The following ARMC9 variants were observed in gnomAD, a reference collection of about 807,000 sequenced individuals.
ARMC9 encodes the protein lisH domain-containing protein ARMC9.
Under a neutral mutation model 107.0 loss-of-function variants are expected in ARMC9, and 94 were observed. The observed-to-expected ratio is 0.88, with a 90% CI of 0.74 to 1.04. The LOEUF is 1.04. Ranked by LOEUF, ARMC9 falls within the 50% of genes least tolerant of loss-of-function variation. The probability of loss-of-function intolerance (pLI) is 0.00; values close to 1 mark genes in which losing one functional copy is unlikely to be tolerated. For missense variants in ARMC9, 942 were observed against 1,030.1 expected, an observed-to-expected ratio of 0.91 and a Z score of 1.17; for synonymous variants, 380 against 396.9, an observed-to-expected ratio of 0.96 and a Z score of 0.51.
At chr2:231,308,491 C>G (rs1447474144) in intron 19 of ARMC9, among the ~76,000 whole-genome samples, 3 of 152,122 alleles carry the variant, frequency 2.0e-5, no homozygotes, top group African/African-American at 7.2e-5. Flanking sequence ...GTTGGGAACT[C>G]AGGAGGCATG....
At chr2:231,278,480 C>T (rs1393443188) in intron 16 of ARMC9, 22 bp downstream of exon 16, 3 of 1,611,686 alleles carry the variant, frequency 1.9e-6, no homozygotes, top group Non-Finnish European at 2.5e-6. Context: ...GCACTGCTGG[C>T]CCTGGGCTCG....
intron 19 of ARMC9, among the ~76,000 whole-genome samples, chr2:231,311,695 G>A (rs1438952816): frequency 3.4e-5 from 5 of 148,722 alleles, no homozygotes; most frequent in Non-Finnish European, 4.4e-5. Flanking sequence ...GCTTGAATCC[G>A]GGAGGTGGAG....
chr2:231,285,098 T>C (rs2040491051), intron 17 of ARMC9, among the ~76,000 whole-genome samples: 1 of 151,908 alleles, frequency 6.6e-6, no homozygotes, highest in Admixed American at 6.6e-5. Context: ...CTCAGGAGGC[T>C]GAGGCAGGAA....
At chr2:231,229,539 A>G (rs1035968662) in intron 7 of ARMC9, among the ~76,000 whole-genome samples, 2 of 152,256 alleles carry the variant, frequency 1.3e-5, no homozygotes, top group African/African-American at 2.4e-5. Context: ...CTTAAAAAGG[A>G]TATAGAAATA....
intron 12 of ARMC9, among the ~76,000 whole-genome samples, chr2:231,267,800 C>T (rs752115980): frequency 6.6e-6 from 1 of 152,166 alleles, no homozygotes; most frequent in Admixed American, 6.5e-5. Flanking sequence ...GGACCTCGTG[C>T]ACTACTTTGG....
intron 12 of ARMC9, among the ~76,000 whole-genome samples, chr2:231,267,311 A>G (rs925348146): frequency 2.6e-5 from 4 of 151,582 alleles, no homozygotes; most frequent in African/African-American, 7.3e-5. Context: ...GCTCACTTCA[A>G]CCTCCGTCTC....
At chr2:231,330,565 C>A (rs1372758395) in intron 19 of ARMC9, among the ~76,000 whole-genome samples, 1 of 152,134 alleles carries the variant, frequency 6.6e-6, no homozygotes, top group Non-Finnish European at 1.5e-5. Flanking sequence ...GGGGTGGGGG[C>A]CTCCTTACCA....
In ARMC9 at chr2:231,264,895, A is replaced by G. The variant is rs559835023; in HGVS notation, c.1119+2497A>G. Among the ~76,000 whole-genome samples the G allele has an allele frequency of 4.6e-5, 7 of 152,168 alleles. No homozygotes were observed. In the South Asian group the frequency reaches 1.5e-3, roughly 32 times the overall value. On this transcript the variant is annotated intron_variant, in intron 12 of 24. Transcript: ENST00000611582. ...GCCGAGGCGGGTGGATCAGGAGGTTAGGAGATCAAGACCAGCCTGGCCAAC... is the reference window on the plus strand; with the variant it reads ...GCCGAGGCGGGTGGATCAGGAGGTTGGGAGATCAAGACCAGCCTGGCCAAC...
chr2:231,352,259 GC>G (rs1228132079), intron 21 of ARMC9, among the ~76,000 whole-genome samples: 4 of 150,700 alleles, frequency 2.7e-5, no homozygotes, highest in African/African-American at 9.8e-5. Flanking sequence ...ACTATGCCCA[GC>G]CCAGCCACTA....
chr2:231,215,128 A>AT, intron 4 of ARMC9, 127 bp downstream of exon 4: 1 of 1,051,532 alleles, frequency 9.5e-7, no homozygotes, highest in South Asian at 1.7e-5. Flanking sequence ...AGGTACAGGC[A>AT]TCCTCTCTCC....
intron 22 of ARMC9, among the ~76,000 whole-genome samples, chr2:231,359,618 C>T (rs1014205502): frequency 2.6e-5 from 4 of 152,204 alleles, no homozygotes; most frequent in Non-Finnish European, 4.4e-5. Context: ...TGTGACTCCA[C>T]ACGTTGTAAT....
At chr2:231,276,416 G>A (rs1342860698) in intron 14 of ARMC9, among the ~76,000 whole-genome samples, 3 of 151,764 alleles carry the variant, frequency 2.0e-5, no homozygotes, top group East Asian at 1.9e-4. Flanking sequence ...GATTACAGGC[G>A]CCGTCACCAC....
Position 231,256,593 on chromosome 2 carries a change from C to G in ARMC9, c.887C>G (p.Thr296Ser), listed in dbSNP as rs779641672. 6.2e-7 allele frequency: 1 copy of G among 1,614,088 alleles called. No individual in the cohort carries two copies. Among genetic ancestry groups the G allele is most frequent in the Non-Finnish European group, 8.5e-7 (1 of 1,179,984 alleles). Residue 296 changes from threonine (T) to serine (S), a missense_variant, in exon 10 of 25, where the codon ACC becomes AGC. Physicochemically the swap from Thr to Ser is moderately conservative, Grantham distance 58. Coordinates refer to ENST00000611582, the MANE Select transcript of ARMC9 (RefSeq NM_001352754.2). Reference protein sequence around the residue: ...VDFTRPGTASTMLRASLAPVK... With the variant: ...VDFTRPGTASSMLRASLAPVK... The stretch of plus-strand genomic sequence containing the variant: ...CTGTCCTCTTCCCCCCAGGCATCCA[C>G]CATGTTACGAGCCTCCTTGGCACCC...
At chr2:231,321,920 C>T (rs964556778) in intron 19 of ARMC9, among the ~76,000 whole-genome samples, 3 of 152,130 alleles carry the variant, frequency 2.0e-5, no homozygotes, top group Non-Finnish European at 2.9e-5. Context: ...TTTCCTAGGG[C>T]GACTTTGCCA....
intron 19 of ARMC9, among the ~76,000 whole-genome samples, chr2:231,298,200 A>G (rs1477041033): frequency 6.6e-6 from 1 of 152,240 alleles, no homozygotes. Context: ...TAAGGAAAAG[A>G]TCTGTCATTT....
intron 19 of ARMC9, among the ~76,000 whole-genome samples, chr2:231,322,848 G>A (rs1259473850): frequency 1.3e-5 from 2 of 152,100 alleles, no homozygotes; most frequent in African/African-American, 4.8e-5. Context: ...CCACCCTAAC[G>A]AGGCATTTAT....
Position 231,255,913 on chromosome 2 carries a change from G to T in ARMC9, c.880-673G>T, listed in dbSNP as rs966173709. Among the ~76,000 whole-genome samples, 2 of 152,168 alleles carry T rather than the reference G, an allele frequency of 1.3e-5. No individual in the cohort carries two copies. The highest frequency in any genetic ancestry group is 4.8e-5 in the African/African-American group (2 of 41,444). ...AAATTAGCTGAGCATGGTGGCAGGT[G>T]CCTGTAATCCCAGCTACTCAGGAGG... On this transcript the variant is annotated intron_variant, in intron 9 of 24. Coordinates refer to ENST00000611582, the MANE Select transcript of ARMC9 (RefSeq NM_001352754.2). This position sits in a 1 kb window ranked among gnomAD's most constrained non-coding sequence, Gnocchi z 4.7.
rs1160697545 is a variant in ARMC9, at chr2:231,355,924, C to G, written c.2121C>G (p.Val707=). 1 of 1,535,416 alleles carries G rather than the reference C, an allele frequency of 6.5e-7. No individual in the cohort carries two copies. Among genetic ancestry groups the G allele is most frequent in the African/African-American group, 1.4e-5 (1 of 73,048 alleles). Residue 707 remains valine, a synonymous_variant, in exon 22 of 25, where the codon GTC becomes GTG. Coordinates refer to ENST00000611582, the MANE Select transcript of ARMC9 (RefSeq NM_001352754.2). The part of the protein sequence containing the change: ...EGKPSTPESC[V]SSSSAIIAKP... ...AGCCCAGCACCCCGGAGTCCTGCGT[C>G]TCCTCTTCATGTAAGAATGTGGGCA... is the stretch of plus-strand genomic sequence containing the variant.
intron 21 of ARMC9, among the ~76,000 whole-genome samples, chr2:231,345,633 C>T (rs79247115): frequency 0.029 from 4,404 of 152,208 alleles, 88 homozygotes; most frequent in Non-Finnish European, 0.041. Context: ...GGCCTAGACC[C>T]CTTGTGGGCT....
Sources: gnomAD v4.1 joint callset for allele counts (sites outside exome capture counted in the v4.1 genomes callset) on GRCh38, gnomAD v4.1.1 for gene constraint, Gnocchi (gnomAD v3.1) non-coding constraint, MANE v1.5 for transcripts, NCBI Gene and HGNC (gene_info 2026-07-23, HGNC 2026-07-21) for gene names.